EDAR: variants seen among roughly 807,000 people sequenced by gnomAD.
The protein encoded by EDAR is tumor necrosis factor receptor superfamily member EDAR.
Under a neutral mutation model 51.3 loss-of-function variants are expected in EDAR, and 38 were observed. The observed-to-expected ratio is 0.74, with a 90% CI of 0.57 to 0.97. EDAR has a LOEUF of 0.97. Ranked by LOEUF, EDAR falls within the 50% of genes least tolerant of loss-of-function variation. The pLI is 0.00. For missense variants in EDAR, 528 were observed against 595.0 expected, an observed-to-expected ratio of 0.89 and a Z score of 1.17; for synonymous variants, 227 against 242.1, an observed-to-expected ratio of 0.94 and a Z score of 0.58.
intron 6 of EDAR, among the ~76,000 whole-genome samples, chr2:108,911,979 C>A (rs1453489605): frequency 1.3e-5 from 2 of 152,184 alleles, no homozygotes; most frequent in Non-Finnish European, 2.9e-5. Context: ...TTGAGCTACT[C>A]CCCCCGGGGC....
chr2:108,970,300 G>A (rs1436538165), intron 1 of EDAR, among the ~76,000 whole-genome samples: 1 of 152,170 alleles, frequency 6.6e-6, no homozygotes, highest in Non-Finnish European at 1.5e-5. Context: ...GACATGAGAT[G>A]TTTGGAGTCA....
At chr2:108,915,068 A>G (rs1697002733) in intron 5 of EDAR, among the ~76,000 whole-genome samples, 1 of 152,132 alleles carries the variant, frequency 6.6e-6, no homozygotes, top group Admixed American at 6.5e-5. Context: ...GTGTGCCACC[A>G]CACCTACTTT....
At chr2:108,968,204 C>T (rs1054186312) in intron 1 of EDAR, among the ~76,000 whole-genome samples, 3 of 152,170 alleles carry the variant, frequency 2.0e-5, no homozygotes, top group Middle Eastern at 3.2e-3. Flanking sequence ...CACATACCAG[C>T]TGCATCAGCA....
Position 108,897,020 on chromosome 2 carries a change from G to C in EDAR, c.1234C>G (p.Leu412Val). The change falls in exon 12 of 12, where the codon CTC becomes GTC. Residue 412 changes from leucine (L) to valine (V), a missense_variant. Transcript: ENST00000258443. ...STAGYSIPEL[L>V]TKLVQIERLD... is the part of the protein sequence containing the mutation. ...CGCTCAATCTGCACCAGTTTTGTGA[G>C]TAGCTCAGGGATGCTGTAGCCTGCC... The C allele has an allele frequency of 2.5e-6, 4 of 1,614,042 alleles. No individual in the cohort carries two copies. The highest frequency in any genetic ancestry group is 3.4e-6 in the Non-Finnish European group (4 of 1,179,986).
In EDAR at chr2:108,967,994, G is replaced by A. The variant is rs118088887; in HGVS notation, c.-19+20966C>T. 7.3e-3 allele frequency among the ~76,000 whole-genome samples: 1,111 copies of A among 152,274 alleles called. 9 individuals are homozygous for A. Among genetic ancestry groups the A allele is most frequent in the South Asian group, 0.029 (142 of 4,816 alleles). On this transcript the variant is annotated intron_variant, in intron 1 of 11. Transcript: ENST00000258443. ...ACAGCTCATGCACACAGAACAGGACGCGTGGAGAGATCATAGAGAGATGTG... is the reference window on the plus strand; with the variant it reads ...ACAGCTCATGCACACAGAACAGGACACGTGGAGAGATCATAGAGAGATGTG...
At chr2:108,917,934 T>G (rs1697057615) in intron 5 of EDAR, among the ~76,000 whole-genome samples, 1 of 151,986 alleles carries the variant, frequency 6.6e-6, no homozygotes, top group African/African-American at 2.4e-5. Context: ...TCAGAAAAAT[T>G]GCCATGGAAA....
chr2:108,935,282 G>A (rs1236670883), intron 1 of EDAR, among the ~76,000 whole-genome samples: 2 of 152,140 alleles, frequency 1.3e-5, no homozygotes, highest in African/African-American at 2.4e-5. Flanking sequence ...CCCCAGCCAG[G>A]CACTACCATG....
At chr2:108,962,107 A>C (rs932960222) in intron 1 of EDAR, among the ~76,000 whole-genome samples, 1 of 152,168 alleles carries the variant, frequency 6.6e-6, no homozygotes, top group African/African-American at 2.4e-5. Context: ...TCCAAGTGAG[A>C]CTGTGAACTC....
intron 1 of EDAR, among the ~76,000 whole-genome samples, chr2:108,974,683 T>C (rs1965882): frequency 0.45 from 68,842 of 151,772 alleles, 18,508 homozygotes; most frequent in South Asian, 0.71. Flanking sequence ...TGAGCCGAGA[T>C]AGCGCCACTG....
intron 9 of EDAR, among the ~76,000 whole-genome samples, chr2:108,909,647 G>A (rs951744619): frequency 6.6e-6 from 1 of 152,234 alleles, no homozygotes. Flanking sequence ...GCCTGGCTGG[G>A]AGCTGATGCT....
At chr2:108,961,238 C>T (rs563726846) in intron 1 of EDAR, among the ~76,000 whole-genome samples, 1 of 151,924 alleles carries the variant, frequency 6.6e-6, no homozygotes, top group South Asian at 2.1e-4. Flanking sequence ...GGTAAAGAAC[C>T]AGATTCAGGA....
At chr2:108,935,839 A>G (rs1697457585) in intron 1 of EDAR, among the ~76,000 whole-genome samples, 1 of 152,170 alleles carries the variant, frequency 6.6e-6, no homozygotes, top group African/African-American at 2.4e-5. Flanking sequence ...GACATGGAAG[A>G]CATCATTATA....
At chr2:108,967,068 G>A (rs1429117105) in intron 1 of EDAR, among the ~76,000 whole-genome samples, 1 of 152,160 alleles carries the variant, frequency 6.6e-6, no homozygotes, top group African/African-American at 2.4e-5. Flanking sequence ...CCAAGTAGCT[G>A]GGATTACAGG....
chr2:108,931,623 G>A lies in EDAR; in HGVS notation c.-18-591C>T, dbSNP rs61201295. On this transcript the variant is annotated intron_variant, in intron 1 of 11. Transcript: ENST00000258443. Reference sequence around the variant, plus strand: ...AGGTCACACAGCTACTTAAGGGATTGAAGGGATTGAGCATGGCTGCAGCTG... The same window carrying A: ...AGGTCACACAGCTACTTAAGGGATTAAAGGGATTGAGCATGGCTGCAGCTG... 5.6e-3 allele frequency among the ~76,000 whole-genome samples: 857 copies of A among 152,336 alleles called. 38 individuals are homozygous for A. The highest frequency in any genetic ancestry group is 0.052 in the Admixed American group (794 of 15,306).
intron 1 of EDAR, among the ~76,000 whole-genome samples, chr2:108,950,833 C>T (rs1358298713): frequency 2.6e-5 from 4 of 152,222 alleles, no homozygotes; most frequent in African/African-American, 9.6e-5. Context: ...ACAGGGATGG[C>T]CCTACAGAGC....
intron 1 of EDAR, among the ~76,000 whole-genome samples, chr2:108,977,546 A>G (rs1698345801): frequency 6.6e-6 from 1 of 152,168 alleles, no homozygotes; most frequent in African/African-American, 2.4e-5. Context: ...CTGGGATTAC[A>G]GGCGTGAGCC....
At chr2:108,915,911 A>AT (rs1697019548) in intron 5 of EDAR, among the ~76,000 whole-genome samples, 1 of 152,126 alleles carries the variant, frequency 6.6e-6, no homozygotes, top group African/African-American at 2.4e-5. Context: ...AAAAAAATAA[A>AT]AAATAAATAA....
intron 5 of EDAR, among the ~76,000 whole-genome samples, chr2:108,913,878 A>T (rs1429794818): frequency 2.1e-5 from 3 of 144,464 alleles, no homozygotes; most frequent in Non-Finnish European, 3.0e-5. Context: ...TGAACCCAGG[A>T]GGCGGAGCTT....
At chr2:108,909,431 G>C (rs1420142301) in intron 9 of EDAR, among the ~76,000 whole-genome samples, 2 of 17,470 alleles carry the variant, frequency 1.1e-4, no homozygotes, top group African/African-American at 4.1e-4. Flanking sequence ...GATTGGAATG[G>C]CTTTGCAAGG....
Sources: gnomAD v4.1 joint callset for allele counts (sites outside exome capture counted in the v4.1 genomes callset) on GRCh38, gnomAD v4.1.1 for gene constraint, MANE v1.5 for transcripts, NCBI Gene and HGNC (gene_info 2026-07-23, HGNC 2026-07-21) for gene names.